The following DLG2 variants were observed in gnomAD, a reference collection of about 807,000 sequenced individuals.
DLG2 encodes the protein discs large MAGUK scaffold protein 2, also known as disks large homolog 2.
DLG2 carries 45 observed loss-of-function variants against 132.5 expected under a neutral mutation model. That is an observed-to-expected ratio of 0.34 (90% CI 0.27 to 0.44). The LOEUF (loss-of-function observed/expected upper bound fraction) is 0.44, where lower values mean the gene tolerates loss of function less well. Ranked by LOEUF, DLG2 falls within the 20% of genes least tolerant of loss-of-function variation. DLG2 has a pLI of 1.00. For missense variants in DLG2, 1,045 were observed against 1,196.9 expected (o/e 0.87, Z 1.87); for synonymous variants, 424 against 419.6 (o/e 1.01, Z -0.13).
chr11:83,751,131 T>C (rs970075689), intron 18 of DLG2, among the ~76,000 whole-genome samples: 3 of 152,186 alleles, frequency 2.0e-5, no homozygotes, highest in African/African-American at 7.2e-5. Flanking sequence ...GCAGAAAAGT[T>C]CTCATGTGGA....
chr11:83,871,418 T>G (rs935210756), intron 16 of DLG2, among the ~76,000 whole-genome samples: 1 of 152,210 alleles, frequency 6.6e-6, no homozygotes, highest in Admixed American at 6.5e-5. Context: ...AATAGCAACT[T>G]GGGTGAAAAT....
chr11:84,051,698 C>T (rs1347857773), intron 11 of DLG2, among the ~76,000 whole-genome samples: 1 of 150,832 alleles, frequency 6.6e-6, no homozygotes, highest in South Asian at 2.1e-4. Context: ...GGGTGCAGCA[C>T]ACCAACATGG....
chr11:83,886,133 A>C (rs149740851), intron 15 of DLG2, among the ~76,000 whole-genome samples: 5,654 of 152,324 alleles, frequency 0.037, 145 homozygotes, highest in Middle Eastern at 0.095. Flanking sequence ...TAAATGCTCC[A>C]ATTAAAAGAC....
chr11:84,119,653 T>C (rs1170173157), intron 9 of DLG2, among the ~76,000 whole-genome samples: 2 of 152,104 alleles, frequency 1.3e-5, no homozygotes, highest in Admixed American at 6.6e-5. Context: ...CATTTTTACC[T>C]ACTTTTTACC....
chr11:83,923,082 C>T (rs933743254), intron 15 of DLG2, among the ~76,000 whole-genome samples: 1 of 152,020 alleles, frequency 6.6e-6, no homozygotes, highest in Admixed American at 6.6e-5. Context: ...AGAAGGATGG[C>T]TGCTAAGAAT....
chr11:83,652,561 G>A (rs1343187384), intron 18 of DLG2, among the ~76,000 whole-genome samples: 6 of 152,064 alleles, frequency 3.9e-5, no homozygotes, highest in African/African-American at 7.2e-5. Context: ...TAGTAGAGAC[G>A]GGGTTTCACC....
At chr11:83,836,621 T>G (rs540757691) in intron 16 of DLG2, among the ~76,000 whole-genome samples, 1 of 152,188 alleles carries the variant, frequency 6.6e-6, no homozygotes, top group Admixed American at 6.5e-5. Context: ...CCTTAATTAC[T>G]TGCAAAATCC....
chr11:84,159,486 A>G (rs2095499539), intron 9 of DLG2, among the ~76,000 whole-genome samples: 1 of 152,162 alleles, frequency 6.6e-6, no homozygotes, highest in African/African-American at 2.4e-5. Context: ...TAACATACAT[A>G]TAGGGCTTGA....
intron 6 of DLG2, among the ~76,000 whole-genome samples, chr11:84,780,122 T>G (rs568337412): frequency 1.6e-4 from 24 of 152,148 alleles, no homozygotes; most frequent in African/African-American, 5.5e-4. Context: ...TGAACAAAGA[T>G]GCAAAAATCT....
At chr11:85,378,412 T>C (rs775091400) in intron 3 of DLG2, among the ~76,000 whole-genome samples, 1 of 152,146 alleles carries the variant, frequency 6.6e-6, no homozygotes, top group Non-Finnish European at 1.5e-5. Flanking sequence ...GCTGGGAGAC[T>C]TTAACTGTTT....
intron 6 of DLG2, among the ~76,000 whole-genome samples, chr11:84,902,479 G>A (rs751718303): frequency 6.6e-5 from 10 of 152,054 alleles, no homozygotes; most frequent in Admixed American, 1.3e-4. Flanking sequence ...TCTAAAAAGT[G>A]CATTATCACT....
chr11:85,580,688 G>C (rs1007992380), intron 3 of DLG2, among the ~76,000 whole-genome samples: 1 of 152,198 alleles, frequency 6.6e-6, no homozygotes, highest in African/African-American at 2.4e-5. Context: ...CATACAACTT[G>C]CAAGTGGCAG....
At chr11:84,661,951 C>A (rs2099694846) in intron 6 of DLG2, among the ~76,000 whole-genome samples, 1 of 152,064 alleles carries the variant, frequency 6.6e-6, no homozygotes, top group South Asian at 2.1e-4. Context: ...TAAAATCTCA[C>A]CTGGACAAAA....
intron 3 of DLG2, among the ~76,000 whole-genome samples, chr11:85,521,269 C>A (rs200244997): frequency 6.6e-6 from 1 of 152,178 alleles, no homozygotes; most frequent in South Asian, 2.1e-4. Context: ...CTCACAAGAT[C>A]TGACAGCTTT....
At chr11:84,780,064 G>A (rs781105266) in intron 6 of DLG2, among the ~76,000 whole-genome samples, 13 of 151,826 alleles carry the variant, frequency 8.6e-5, no homozygotes, top group Non-Finnish European at 1.2e-4. Context: ...ATACCAAAAC[G>A]AGGCAAGGAC....
intron 6 of DLG2, among the ~76,000 whole-genome samples, chr11:85,110,903 T>G (rs182227088): frequency 1.3e-5 from 2 of 152,244 alleles, no homozygotes; most frequent in Non-Finnish European, 2.9e-5. Flanking sequence ...ATACACAAAT[T>G]ATTTCATGAC....
chr11:85,426,418 C>T (rs1372468004), intron 3 of DLG2, among the ~76,000 whole-genome samples: 1 of 152,140 alleles, frequency 6.6e-6, no homozygotes, highest in Non-Finnish European at 1.5e-5. Context: ...GGGTACTCCT[C>T]TGAGACAAAA....
At chr11:84,545,821 T>A (rs980093701) in intron 6 of DLG2, 1 of 154,458 alleles carries the variant, frequency 6.5e-6, no homozygotes, top group Non-Finnish European at 1.4e-5. Flanking sequence ...AGTGGTGCAA[T>A]CTCTGCTCAC....
chr11:83,700,012 A>G (rs574383623), intron 18 of DLG2, among the ~76,000 whole-genome samples: 56 of 151,570 alleles, frequency 3.7e-4, no homozygotes, highest in Non-Finnish European at 6.9e-4. Flanking sequence ...AAGATACACA[A>G]AAACCTAAAA....
Sources: gnomAD v4.1 joint callset for allele counts (sites outside exome capture counted in the v4.1 genomes callset) on GRCh38, gnomAD v4.1.1 for gene constraint, MANE v1.5 for transcripts, NCBI Gene and HGNC (gene_info 2026-07-23, HGNC 2026-07-21) for gene names.